ZNF275: variants seen among roughly 807,000 people sequenced by gnomAD.
ZNF275 encodes the protein zinc finger protein 275.
A neutral mutation model predicts 4.3 loss-of-function variants in ZNF275; 4 were observed. The ratio of observed to expected loss-of-function variants is 0.93; its 90% CI spans 0.46 to 2.13. The LOEUF (loss-of-function observed/expected upper bound fraction) is 2.13, where lower values mean the gene tolerates loss of function less well. Among genes scored for constraint, ZNF275 ranks in the 30% most tolerant of loss-of-function variants. The probability of loss-of-function intolerance (pLI) is 0.02; values close to 1 mark genes in which losing one functional copy is unlikely to be tolerated. For missense variants in ZNF275, 352 were observed against 397.1 expected, an observed-to-expected ratio of 0.89 and a Z score of 0.97; for synonymous variants, 173 against 166.9, an observed-to-expected ratio of 1.04 and a Z score of -0.28.
chrX:153,342,544 C>T (rs145962528), intron 2 of ZNF275, among the ~76,000 whole-genome samples: 1 of 111,426 alleles, frequency 9.0e-6, no homozygotes, highest in Non-Finnish European at 1.9e-5. Flanking sequence ...AGTATGATCC[C>T]TTTGAGGCCT....
rs1490971026 is a variant in ZNF275, at chrX:153,347,220, A to G, written c.535A>G (p.Lys179Glu). The change falls in exon 4 of 4, where the codon AAG (lysine) becomes GAG (glutamate). Residue 179 changes from lysine to glutamate, a missense_variant. By Grantham distance (56) the Lys-to-Glu change is moderately conservative. Transcript: ENST00000650114. The stretch of plus-strand genomic sequence containing the variant: ...GAGGGAGCAGATGGAGAGGGAGGCA[A>G]AGCCCTTCGAGTGCGAGGAGTGCGG... ...EKREQMEREA[K>E]PFECEECGKR... 7 of 1,210,518 alleles carry G rather than the reference A, an allele frequency of 5.8e-6. No homozygotes were observed. Among genetic ancestry groups the G allele is most frequent in the Non-Finnish European group, 7.8e-6 (7 of 894,620 alleles).
At chrX:153,340,262 G>A (rs1037291175) in intron 2 of ZNF275, among the ~76,000 whole-genome samples, 2 of 112,334 alleles carry the variant, frequency 1.8e-5, no homozygotes, top group Non-Finnish European at 3.8e-5. Context: ...CTTGGACTCT[G>A]GGGCTAGATG....
In ZNF275 at chrX:153,347,396, C is replaced by T. The variant is rs781818339; in HGVS notation, c.711C>T (p.Phe237=). Residue 237 remains phenylalanine (F), a synonymous_variant, in exon 4 of 4, where the codon TTC becomes TTT. Coordinates refer to ENST00000650114, the MANE Select transcript of ZNF275 (RefSeq NM_001367757.1). The stretch of plus-strand genomic sequence containing the variant: ...AACTTCACACTTCGGAAAAGCCTTT[C>T]GCCTGCAAGGCGTGCAGCAGGGATT... The part of the protein sequence containing the change: ...HQKLHTSEKP[F]ACKACSRDFL... The T allele has an allele frequency of 5.8e-6, 7 of 1,211,089 alleles. No homozygotes were observed. In the East Asian group the frequency reaches 8.9e-5, roughly 15 times the overall value.
Position 153,351,168 on chromosome X carries a change from T to G in ZNF275, c.*3193T>G, listed in dbSNP as rs1482965858. ...GCTCTTTTAGAGTTAACACTAAAGA[T>G]CTGGTCTTTGCCGTCAAGGTTGACA... On this transcript the variant is annotated 3_prime_UTR_variant, in exon 4 of 4. Coordinates refer to ENST00000650114, the MANE Select transcript of ZNF275 (RefSeq NM_001367757.1). 1 of 123,991 alleles carries G rather than the reference T, an allele frequency of 8.1e-6. No homozygotes were observed. Among genetic ancestry groups the G allele is most frequent in the Non-Finnish European group, 1.9e-5 (1 of 53,398 alleles). The allele number at this position is 123,991 out of a possible 1,213,427, so 10.2% of individuals were successfully genotyped here. A position where few individuals can be genotyped will look rare whatever the true frequency, so the allele number is the denominator to read the frequency against.
In ZNF275 at chrX:153,350,939, G is replaced by A. The variant is rs782255418; in HGVS notation, c.*2964G>A. ...AGAAGTACTCTGCCATGTCTTGCCC[G>A]TTCATTTATCGTTTGTTGGGTTTCA... On this transcript the variant is annotated 3_prime_UTR_variant, in exon 4 of 4. Coordinates refer to ENST00000650114, the MANE Select transcript of ZNF275 (RefSeq NM_001367757.1). 1.1e-3 allele frequency: 138 copies of A among 123,361 alleles called. No homozygotes were observed. The highest frequency in any genetic ancestry group is 3.7e-3 in the African/African-American group (113 of 30,845). 10.2% of individuals were successfully genotyped at this position (123,361 alleles called of 1,213,427 possible). A position where few individuals can be genotyped will look rare whatever the true frequency, so the allele number is the denominator to read the frequency against.
chrX:153,347,231 G>C lies in ZNF275; in HGVS notation c.546G>C (p.Glu182Asp). The change falls in exon 4 of 4, where the codon GAG becomes GAC. Residue 182 changes from glutamate to aspartate, a missense_variant. Glu to Asp is a conservative substitution (Grantham distance 45). Coordinates refer to ENST00000650114, the MANE Select transcript of ZNF275 (RefSeq NM_001367757.1). Reference sequence around the variant, plus strand: ...TGGAGAGGGAGGCAAAGCCCTTCGAGTGCGAGGAGTGCGGAAAACGGTTTA... The same window carrying C: ...TGGAGAGGGAGGCAAAGCCCTTCGACTGCGAGGAGTGCGGAAAACGGTTTA... ...EQMEREAKPFECEECGKRFKK... is the reference protein window; with the variant it reads ...EQMEREAKPFDCEECGKRFKK... The C allele has an allele frequency of 8.3e-7, 1 of 1,210,645 alleles. No individual in the cohort carries two copies. Among genetic ancestry groups the C allele is most frequent in the Non-Finnish European group, 1.1e-6 (1 of 894,778 alleles).
At chrX:153,337,053 A>G (rs113151709) in intron 2 of ZNF275, among the ~76,000 whole-genome samples, 2,099 of 111,442 alleles carry the variant, frequency 0.019, 52 homozygotes, top group African/African-American at 0.066. Context: ...ACTGAGCAGA[A>G]CACAAGCCAC....
rs2088475871 is a variant in ZNF275, at chrX:153,340,736, A to G, written c.31+4026A>G. Among the ~76,000 whole-genome samples the G allele has an allele frequency of 3.6e-5, 4 of 112,224 alleles. No homozygotes were observed. The Admixed American group carries it at 3.8e-4, about 11-fold the overall frequency. On this transcript the variant is annotated intron_variant, in intron 2 of 3. Coordinates refer to ENST00000650114, the MANE Select transcript of ZNF275 (RefSeq NM_001367757.1). ...CTTATTCTAGCTACAAGTCACTCTCACTTTTTTCCTTTTTTCTCCTAAAAT... is the reference window on the plus strand; with the variant it reads ...CTTATTCTAGCTACAAGTCACTCTCGCTTTTTTCCTTTTTTCTCCTAAAAT...
At chrX:153,343,475 C>T in intron 2 of ZNF275, 1 of 334,750 alleles carries the variant, frequency 3.0e-6, no homozygotes, top group Non-Finnish European at 5.8e-6. Flanking sequence ...ACAAATCATT[C>T]AGCTCTTTTA....
intron 1 of ZNF275, chrX:153,335,537 G>A (rs2088440224): frequency 9.4e-6 from 1 of 106,450 alleles, no homozygotes; most frequent in Admixed American, 9.8e-5. Flanking sequence ...CAGACACTGA[G>A]TTTTATATAT....
chrX:153,345,270 A>T (rs1274757240), intron 2 of ZNF275: 3 of 265,352 alleles, frequency 1.1e-5, no homozygotes, highest in Non-Finnish European at 2.1e-5. Context: ...CAGGGTGAAG[A>T]TCACCTCCTC....
rs1257567862 is a variant in ZNF275, at chrX:153,351,939, T to G, written c.*3964T>G. 8.9e-6 allele frequency: 1 copy of G among 111,887 alleles called. No homozygotes were observed. The highest frequency in any genetic ancestry group is 1.9e-5 in the Non-Finnish European group (1 of 53,244). 9.2% of individuals were successfully genotyped at this position (111,887 alleles called of 1,213,427 possible). On this transcript the variant is annotated 3_prime_UTR_variant, in exon 4 of 4. Coordinates refer to ENST00000650114, the MANE Select transcript of ZNF275 (RefSeq NM_001367757.1). Reference sequence around the variant, plus strand: ...TAGGCCATATTAATTCAGCCAGAACTGAACACCTGACCCAAGGGCAGCAAG... The same window carrying G: ...TAGGCCATATTAATTCAGCCAGAACGGAACACCTGACCCAAGGGCAGCAAG...
chrX:153,340,189 CACGATCTCACACTGGGG>C lies in ZNF275; in HGVS notation c.31+3481_31+3497del, dbSNP rs782398200. Reference sequence around the variant, plus strand: ...TGGCTGCTGAGCACCCGAGGATGAACACGATCTCACACTGGGGAAGCCCCTGTGCCAGACAGCCAGTT... The same window carrying C: ...TGGCTGCTGAGCACCCGAGGATGAACAAGCCCCTGTGCCAGACAGCCAGTT... On this transcript the variant is annotated intron_variant, in intron 2 of 3. Coordinates refer to ENST00000650114, the MANE Select transcript of ZNF275 (RefSeq NM_001367757.1). 4.5e-5 allele frequency among the ~76,000 whole-genome samples: 5 copies of C among 112,177 alleles called. No homozygotes were observed. In the East Asian group the frequency reaches 1.4e-3, roughly 32 times the overall value.
chrX:153,336,622 G>A lies in ZNF275; in HGVS notation c.-46-12G>A, dbSNP rs1262016123. The A allele has an allele frequency of 8.8e-7, 1 of 1,130,898 alleles. No homozygotes were observed. Among genetic ancestry groups the A allele is most frequent in the African/African-American group, 1.8e-5 (1 of 55,099 alleles). The allele number at this position is 1,130,898 out of a possible 1,213,427, so 93.2% of individuals were successfully genotyped here. A position where few individuals can be genotyped will look rare whatever the true frequency, so the allele number is the denominator to read the frequency against. ...TCTGCTTCTGTTCACCTGAATTATT[G>A]CAATCCAACAGATGGGGCCTTACCT... is the stretch of plus-strand genomic sequence containing the variant. On this transcript the variant is annotated splice_polypyrimidine_tract_variant and intron_variant, in intron 1 of 3. Coordinates refer to ENST00000650114, the MANE Select transcript of ZNF275 (RefSeq NM_001367757.1).
chrX:153,334,457 G>A (rs1013260129), intron 1 of ZNF275, among the ~76,000 whole-genome samples, 172 bp downstream of exon 1: 2 of 111,745 alleles, frequency 1.8e-5, no homozygotes, highest in African/African-American at 6.5e-5. Context: ...TGTGCGGGCC[G>A]CAGAAGAGTG....
Position 153,343,461 on chromosome X carries a change from T to C in ZNF275, c.32-2059T>C, listed in dbSNP as rs111720064. 270 of 343,118 alleles carry C rather than the reference T, an allele frequency of 7.9e-4. 4 individuals carry two copies. Among genetic ancestry groups the C allele is most frequent in the African/African-American group, 5.8e-3 (225 of 38,720 alleles). 28.3% of individuals were successfully genotyped at this position (343,118 alleles called of 1,213,427 possible). ...TTGCAATTTGGAAGAAGAAGATAATTTGTACAAATCATTCAGCTCTTTTAT... is the reference window on the plus strand; with the variant it reads ...TTGCAATTTGGAAGAAGAAGATAATCTGTACAAATCATTCAGCTCTTTTAT... On this transcript the variant is annotated intron_variant, in intron 2 of 3. Coordinates refer to ENST00000650114, the MANE Select transcript of ZNF275 (RefSeq NM_001367757.1).
chrX:153,342,705 C>G (rs978938873), intron 2 of ZNF275, among the ~76,000 whole-genome samples: 18 of 112,251 alleles, frequency 1.6e-4, no homozygotes, highest in African/African-American at 5.8e-4. Context: ...GAATGTCTCC[C>G]TACCTTTGTG....
chrX:153,345,046 A>G lies in ZNF275; in HGVS notation c.32-474A>G, dbSNP rs149397220. 8.1e-4 allele frequency: 165 copies of G among 204,512 alleles called. 1 individual carries two copies. Among genetic ancestry groups the G allele is most frequent in the African/African-American group, 4.3e-3 (148 of 34,448 alleles). 16.9% of individuals were successfully genotyped at this position (204,512 alleles called of 1,213,427 possible). A position where few individuals can be genotyped will look rare whatever the true frequency, so the allele number is the denominator to read the frequency against. On this transcript the variant is annotated intron_variant, in intron 2 of 3. Coordinates refer to ENST00000650114, the MANE Select transcript of ZNF275 (RefSeq NM_001367757.1). The stretch of plus-strand genomic sequence containing the variant: ...TTTCATTTTAATGCACAAATTATGC[A>G]AATTGCATGGCCATTTGGTTTGAGT...
At position 153,334,278 on chromosome X, in the gene ZNF275, G is replaced by A. The variant is rs1419140814; in HGVS notation, c.-54G>A. ...CGAGGGCCGCGCGTCGGCCGCCGCC[G>A]GGCCTGGGTGAGTGTGCGGGCCGCG... On this transcript the variant is annotated 5_prime_UTR_variant, in exon 1 of 4. Transcript: ENST00000650114. 2 of 112,538 alleles carry A rather than the reference G, an allele frequency of 1.8e-5. No homozygotes were observed. The highest frequency in any genetic ancestry group is 6.4e-5 in the African/African-American group (2 of 31,094). 9.3% of individuals were successfully genotyped at this position (112,538 alleles called of 1,213,427 possible).
Sources: allele counts gnomAD v4.1 joint callset (sites outside exome capture counted in the v4.1 genomes callset), GRCh38; gene constraint gnomAD v4.1.1; transcripts MANE v1.5; gene names NCBI Gene and HGNC (gene_info 2026-07-23, HGNC 2026-07-21).